Variants in GNA14 observed in about 807,000 individuals in gnomAD.
GNA14 encodes the protein guanine nucleotide-binding protein subunit alpha-14.
GNA14 carries 50 observed loss-of-function variants against 42.0 expected under a neutral mutation model. That is an observed-to-expected ratio of 1.19 (90% CI 0.95 to 1.51). The LOEUF (loss-of-function observed/expected upper bound fraction) is 1.51, where lower values mean the gene tolerates loss of function less well. GNA14 is among the 40% of genes most tolerant of loss of function. The pLI, the probability that GNA14 is intolerant of heterozygous loss-of-function variation, is 0.00. For missense variants in GNA14, 473 were observed against 446.2 expected, an observed-to-expected ratio of 1.06 and a Z score of -0.54; for synonymous variants, 173 against 163.1, an observed-to-expected ratio of 1.06 and a Z score of -0.46.
At chr9:77,477,988 CAAG>C (rs1836462262) in intron 2 of GNA14, among the ~76,000 whole-genome samples, 1 of 147,484 alleles carries the variant, frequency 6.8e-6, no homozygotes, top group Non-Finnish European at 1.5e-5. Context: ...GTTTAGAAAG[CAAG>C]AACACAGAAA....
At chr9:77,516,825 G>A (rs1837266969) in intron 2 of GNA14, among the ~76,000 whole-genome samples, 1 of 152,192 alleles carries the variant, frequency 6.6e-6, no homozygotes, top group African/African-American at 2.4e-5. Flanking sequence ...ACAGTGACAA[G>A]AGTAATCTCT....
At chr9:77,569,056 C>T (rs2131794925) in intron 1 of GNA14, among the ~76,000 whole-genome samples, 1 of 152,210 alleles carries the variant, frequency 6.6e-6, no homozygotes, top group East Asian at 1.9e-4. Flanking sequence ...TGATGAGAAA[C>T]CCAAGTCCCA....
At chr9:77,463,986 G>C (rs1356941933) in intron 2 of GNA14, among the ~76,000 whole-genome samples, 1 of 152,136 alleles carries the variant, frequency 6.6e-6, no homozygotes, top group South Asian at 2.1e-4. Context: ...ACCTTAGCTG[G>C]AACTGGTTTG....
rs115448296 is a variant in GNA14, at chr9:77,630,844, C to T, written c.124+16826G>A. Among the ~76,000 whole-genome samples, 472 of 152,254 alleles carry T rather than the reference C, an allele frequency of 3.1e-3. 3 individuals carry two copies. The highest frequency in any genetic ancestry group is 9.9e-3 in the African/African-American group (411 of 41,556). On this transcript the variant is annotated intron_variant, in intron 1 of 6. Coordinates refer to ENST00000341700, the MANE Select transcript of GNA14 (RefSeq NM_004297.4). ...GCAGCAGAGAAAACAGTTGTATCCC[C>T]TTACAGTACTGATGAAGATGGGAGG...
At chr9:77,525,902 CTT>C (rs200876343) in intron 2 of GNA14, among the ~76,000 whole-genome samples, 1 of 80,574 alleles carries the variant, frequency 1.2e-5, no homozygotes, top group African/African-American at 4.6e-5. Context: ...AGATTTGGGA[CTT>C]TTTTTAAAAA....
intron 1 of GNA14, among the ~76,000 whole-genome samples, chr9:77,549,110 T>C (rs1165768860): frequency 6.6e-6 from 1 of 152,102 alleles, no homozygotes; most frequent in South Asian, 2.1e-4. Flanking sequence ...AATTTTTGGA[T>C]TTTTAGCAGA....
chr9:77,511,196 T>A (rs1049806239), intron 2 of GNA14, among the ~76,000 whole-genome samples: 12 of 152,134 alleles, frequency 7.9e-5, no homozygotes, highest in African/African-American at 2.9e-4. Context: ...GCTCCTCCAT[T>A]CCCCCTATAG....
rs1280403750 is a variant in GNA14, at chr9:77,647,968, A to G, written c.-175T>C. On this transcript the variant is annotated 5_prime_UTR_variant, in exon 1 of 7. Transcript: ENST00000341700. ...ACCTCCGAGGCTCAATCCCCCTTCG[A>G]AAGTCGGCTCTGAGGCGGGGTGAAT... 9.9e-6 allele frequency: 7 copies of G among 708,914 alleles called. No homozygotes were observed. Among genetic ancestry groups the G allele is most frequent in the East Asian group, 3.0e-5 (1 of 33,196 alleles). The allele number at this position is 708,914 out of a possible 1,614,324, so 43.9% of individuals were successfully genotyped here.
chr9:77,448,375 G>T (rs1835856431), intron 2 of GNA14, among the ~76,000 whole-genome samples: 1 of 152,152 alleles, frequency 6.6e-6, no homozygotes, highest in Admixed American at 6.5e-5. Context: ...TCATTTTCAG[G>T]TCGGTGTTCG....
At chr9:77,440,979 G>A (rs1249200721) in intron 2 of GNA14, among the ~76,000 whole-genome samples, 4 of 152,174 alleles carry the variant, frequency 2.6e-5, no homozygotes, top group African/African-American at 9.7e-5. Flanking sequence ...GCTTCCCAAA[G>A]TGCTGGGACT....
intron 2 of GNA14, among the ~76,000 whole-genome samples, chr9:77,441,495 GAGA>G (rs1220594376): frequency 5.9e-5 from 9 of 152,170 alleles, no homozygotes; most frequent in African/African-American, 2.2e-4. Flanking sequence ...ATAGCAATGT[GAGA>G]ACGGACTAAT....
chr9:77,583,398 GA>G (rs1319985720), intron 1 of GNA14, among the ~76,000 whole-genome samples: 1 of 152,192 alleles, frequency 6.6e-6, no homozygotes, highest in Non-Finnish European at 1.5e-5. Flanking sequence ...CCAATTCAAG[GA>G]ATCTGGACTC....
At chr9:77,465,796 G>A (rs559400004) in intron 2 of GNA14, among the ~76,000 whole-genome samples, 2 of 152,196 alleles carry the variant, frequency 1.3e-5, no homozygotes, top group South Asian at 2.1e-4. Context: ...TTATACAGAC[G>A]GGGTCTTGCC....
chr9:77,521,499 T>G (rs975416919), intron 2 of GNA14, among the ~76,000 whole-genome samples: 1 of 152,214 alleles, frequency 6.6e-6, no homozygotes, highest in African/African-American at 2.4e-5. Context: ...CCATTTTCAC[T>G]GAACTCTGAC....
intron 2 of GNA14, among the ~76,000 whole-genome samples, chr9:77,441,491 A>G (rs1287935677): frequency 6.6e-6 from 1 of 152,188 alleles, no homozygotes; most frequent in East Asian, 1.9e-4. Context: ...CTTTATAGCA[A>G]TGTGAGAACG....
chr9:77,586,835 C>T (rs1587839382), intron 1 of GNA14, among the ~76,000 whole-genome samples: 1 of 152,210 alleles, frequency 6.6e-6, no homozygotes, highest in Non-Finnish European at 1.5e-5. Flanking sequence ...CGTAGTTGAC[C>T]GAAAAAGGAA....
At chr9:77,599,914 G>T (rs1190805627) in intron 1 of GNA14, among the ~76,000 whole-genome samples, 2 of 152,158 alleles carry the variant, frequency 1.3e-5, no homozygotes, top group Non-Finnish European at 2.9e-5. Flanking sequence ...TATAGAGTAT[G>T]CACTGACATC....
intron 2 of GNA14, among the ~76,000 whole-genome samples, chr9:77,502,988 A>G (rs1277311443): frequency 6.6e-6 from 1 of 152,078 alleles, no homozygotes; most frequent in East Asian, 1.9e-4. Context: ...TTTAGCTCAG[A>G]GTCTGGAATA....
At chr9:77,530,531 T>G (rs1000159646) in intron 1 of GNA14, among the ~76,000 whole-genome samples, 2 of 152,202 alleles carry the variant, frequency 1.3e-5, no homozygotes, top group African/African-American at 4.8e-5. Flanking sequence ...CGAATACAAT[T>G]ATCATCTTCA....
Sources: allele counts gnomAD v4.1 joint callset (sites outside exome capture counted in the v4.1 genomes callset), GRCh38; gene constraint gnomAD v4.1.1; transcripts MANE v1.5; gene names NCBI Gene and HGNC (gene_info 2026-07-23, HGNC 2026-07-21).